Variants in LRP1B observed in about 807,000 individuals in gnomAD.
LRP1B encodes the protein low-density lipoprotein receptor-related protein 1B.
In LRP1B, 217 loss-of-function variants were observed where a neutral mutation model predicts 556.6. The ratio of observed to expected loss-of-function variants is 0.39; its 90% CI spans 0.35 to 0.44. The LOEUF is 0.44. LRP1B is among the 20% of genes least tolerant of loss of function. LRP1B has a pLI of 1.00. For synonymous variants in LRP1B, 2,047 were observed against 1,865.8 expected (o/e 1.10, Z -2.50); for missense variants, 5,053 against 5,620.8 (o/e 0.90, Z 3.23).
At chr2:140,269,670 C>A (rs1682371837) in intron 86 of LRP1B, among the ~76,000 whole-genome samples, 1 of 151,906 alleles carries the variant, frequency 6.6e-6, no homozygotes. Flanking sequence ...TCTGGACAAT[C>A]AGATCATGGA....
chr2:141,438,365 A>G (rs994570039), intron 3 of LRP1B, among the ~76,000 whole-genome samples: 3 of 152,126 alleles, frequency 2.0e-5, no homozygotes, highest in African/African-American at 4.8e-5. Flanking sequence ...TCATTCATTC[A>G]TATGTAATGT....
At chr2:140,408,148 G>C (rs924576592) in intron 66 of LRP1B, among the ~76,000 whole-genome samples, 4 of 151,892 alleles carry the variant, frequency 2.6e-5, no homozygotes, top group African/African-American at 4.8e-5. Context: ...AAGACATGCA[G>C]AATGATATAA....
intron 2 of LRP1B, among the ~76,000 whole-genome samples, chr2:141,528,044 G>C (rs933049031): frequency 1.3e-5 from 2 of 151,814 alleles, no homozygotes; most frequent in South Asian, 2.1e-4. Context: ...AAGTTCTCTT[G>C]TTGGCCTCTG....
At chr2:141,475,314 C>T (rs779762009) in intron 3 of LRP1B, among the ~76,000 whole-genome samples, 9 of 152,164 alleles carry the variant, frequency 5.9e-5, no homozygotes, top group Admixed American at 2.0e-4. Context: ...TTGCCATAAG[C>T]TGAGATCATG....
intron 3 of LRP1B, among the ~76,000 whole-genome samples, chr2:141,407,699 G>A (rs934201029): frequency 6.6e-6 from 1 of 152,064 alleles, no homozygotes; most frequent in Admixed American, 6.6e-5. Flanking sequence ...GCTCCCTGAG[G>A]CTTCACCAGA....
chr2:140,973,049 A>ATT (rs1220002824), intron 18 of LRP1B, among the ~76,000 whole-genome samples: 1 of 51,222 alleles, frequency 2.0e-5, no homozygotes, highest in African/African-American at 6.4e-5. Flanking sequence ...AATATATTTC[A>ATT]TTTTATATAT....
chr2:141,078,024 CT>C (rs983222190), intron 7 of LRP1B, among the ~76,000 whole-genome samples: 6 of 147,926 alleles, frequency 4.1e-5, no homozygotes, highest in African/African-American at 1.2e-4. Flanking sequence ...ATTAAATTTC[CT>C]TTTTTTTAAA....
chr2:140,558,545 C>A (rs1249092887), intron 43 of LRP1B, among the ~76,000 whole-genome samples: 1 of 151,942 alleles, frequency 6.6e-6, no homozygotes, highest in Non-Finnish European at 1.5e-5. Flanking sequence ...CCAGAATAGG[C>A]AAATCTATAA....
At chr2:141,266,050 C>T (rs1267656353) in intron 3 of LRP1B, among the ~76,000 whole-genome samples, 1 of 152,026 alleles carries the variant, frequency 6.6e-6, no homozygotes, top group Admixed American at 6.5e-5. Context: ...TCTGGCCAGG[C>T]GCGGTGGCTC....
At chr2:141,899,796 T>G (rs1277321572) in intron 1 of LRP1B, among the ~76,000 whole-genome samples, 1 of 152,038 alleles carries the variant, frequency 6.6e-6, no homozygotes, top group Non-Finnish European at 1.5e-5. Flanking sequence ...ACCTCAGAAA[T>G]GGATTTCATT....
intron 35 of LRP1B, among the ~76,000 whole-genome samples, chr2:140,721,693 G>A (rs974496344): frequency 1.0e-4 from 15 of 146,692 alleles, no homozygotes; most frequent in Admixed American, 7.5e-4. Context: ...GAATACAGGC[G>A]CCCACCAGCA....
intron 31 of LRP1B, among the ~76,000 whole-genome samples, chr2:140,827,616 A>G (rs779054641): frequency 1.4e-4 from 22 of 152,094 alleles, no homozygotes; most frequent in Non-Finnish European, 2.6e-4. Flanking sequence ...CACCTGCAAG[A>G]TATAGGGAAT....
intron 86 of LRP1B, among the ~76,000 whole-genome samples, chr2:140,265,500 G>C (rs924936983): frequency 3.3e-5 from 5 of 151,888 alleles, no homozygotes; most frequent in Non-Finnish European, 7.4e-5. Context: ...TAAATTGAAG[G>C]CTACAGTAAT....
At chr2:141,458,330 GGGTCA>G (rs1285449732) in intron 3 of LRP1B, among the ~76,000 whole-genome samples, 1 of 152,172 alleles carries the variant, frequency 6.6e-6, no homozygotes, top group Non-Finnish European at 1.5e-5. Flanking sequence ...AGGACTGTTT[GGGTCA>G]TCATCGCCTG....
chr2:142,021,025 A>G (rs148763777), intron 1 of LRP1B, among the ~76,000 whole-genome samples: 1 of 152,340 alleles, frequency 6.6e-6, no homozygotes, highest in East Asian at 1.9e-4. Flanking sequence ...TTGAATTTCT[A>G]CAAAAAGTCA....
At chr2:141,154,109 C>G (rs1405956738) in intron 7 of LRP1B, among the ~76,000 whole-genome samples, 1 of 151,792 alleles carries the variant, frequency 6.6e-6, no homozygotes, top group African/African-American at 2.4e-5. Context: ...TATTTATTTT[C>G]TCTTTTGTTC....
chr2:140,716,566 T>C (rs1341608099), intron 36 of LRP1B, 116 bp downstream of exon 36: 1 of 1,020,406 alleles, frequency 9.8e-7, no homozygotes, highest in Non-Finnish European at 1.4e-6. Flanking sequence ...TTTACCCCTG[T>C]GGCTAGAAGT....
At chr2:141,964,931 C>T (rs1470413385) in intron 1 of LRP1B, among the ~76,000 whole-genome samples, 71 of 150,040 alleles carry the variant, frequency 4.7e-4, no homozygotes, top group African/African-American at 1.5e-3. Flanking sequence ...AAAAAGTGGG[C>T]GAGGGACATG....
At chr2:141,910,178 T>A (rs1172727636) in intron 1 of LRP1B, among the ~76,000 whole-genome samples, 1 of 151,892 alleles carries the variant, frequency 6.6e-6, no homozygotes, top group Non-Finnish European at 1.5e-5. Context: ...ATTTTCTCTT[T>A]GAAACCAAAA....
Sources: gnomAD v4.1 joint callset for allele counts (sites outside exome capture counted in the v4.1 genomes callset) on GRCh38, gnomAD v4.1.1 for gene constraint, MANE v1.5 for transcripts, NCBI Gene and HGNC (gene_info 2026-07-23, HGNC 2026-07-21) for gene names.